CBX2: variants seen among roughly 807,000 people sequenced by gnomAD.
The protein encoded by CBX2 is chromobox 2.
CBX2 carries 11 observed loss-of-function variants against 21.0 expected under a neutral mutation model. That is an observed-to-expected ratio of 0.52 (90% CI 0.33 to 0.87). CBX2 has a LOEUF of 0.87. CBX2 is among the 40% of genes least tolerant of loss of function. The probability of loss-of-function intolerance (pLI) is 0.02; values close to 1 mark genes in which losing one functional copy is unlikely to be tolerated. For synonymous variants in CBX2, 364 were observed against 304.6 expected (o/e 1.19, Z -2.03); for missense variants, 746 against 724.3 (o/e 1.03, Z -0.34).
chr17:79,779,482 G>C, intron 3 of CBX2, 55 bp downstream of exon 3: 1 of 1,528,628 alleles, frequency 6.5e-7, no homozygotes, highest in African/African-American at 1.4e-5. Context: ...TGGCTGGTTG[G>C]AGTCGTGCTG....
chr17:79,779,380 G>C lies in CBX2; in HGVS notation c.135G>C (p.Pro45=). 2.5e-6 allele frequency: 4 copies of C among 1,613,874 alleles called. No individual in the cohort carries two copies. The highest frequency in any genetic ancestry group is 3.4e-6 in the Non-Finnish European group (4 of 1,179,972). Residue 45 remains proline, a synonymous_variant, in exon 3 of 5, where the codon CCG becomes CCC. Transcript: ENST00000310942. ...TTTGCAGACATAACAGCTGGGAGCC[G>C]GAGGAGAACATCCTGGACCCGAGGC... is the stretch of plus-strand genomic sequence containing the variant. ...GWSSKHNSWE[P]EENILDPRLL...
chr17:79,782,427 G>A (rs1408061468), intron 4 of CBX2: 3 of 1,316,498 alleles, frequency 2.3e-6, no homozygotes, highest in South Asian at 1.5e-5. Context: ...CCGTGGTAGG[G>A]CCCCTCCCTC....
rs1555829745 is a variant in CBX2 at position 79,779,416 on chromosome 17, C to T, written c.171C>T (p.Ala57=). Residue 57 remains alanine, a synonymous_variant, in exon 3 of 5, where the codon GCC becomes GCT. Coordinates refer to ENST00000310942, the MANE Select transcript of CBX2 (RefSeq NM_005189.3). ...ENILDPRLLL[A]FQKKEHEKEV... is the part of the protein sequence containing the mutation. ...TCCTGGACCCGAGGCTGCTCCTGGC[C>T]TTCCAGAAGAAGTGAGGACGCTGAC... The T allele has an allele frequency of 6.2e-7, 1 of 1,613,244 alleles. No individual in the cohort carries two copies. The highest frequency in any genetic ancestry group is 8.5e-7 in the Non-Finnish European group (1 of 1,179,822).
At position 79,787,055 on chromosome 17, in the gene CBX2, G is replaced by A. The variant is rs1598230216; in HGVS notation, c.*2013G>A. 1 of 152,642 alleles carries A rather than the reference G, an allele frequency of 6.6e-6. No individual in the cohort carries two copies. Among genetic ancestry groups the A allele is most frequent in the East Asian group, 1.9e-4 (1 of 5,180 alleles). 9.5% of individuals were successfully genotyped at this position (152,642 alleles called of 1,614,324 possible). A position where few individuals can be genotyped will look rare whatever the true frequency, so the allele number is the denominator to read the frequency against. On this transcript the variant is annotated 3_prime_UTR_variant, in exon 5 of 5. Coordinates refer to ENST00000310942, the MANE Select transcript of CBX2 (RefSeq NM_005189.3). ...GCCAGAGCTGGAAGCAGACAGTAAG[G>A]GGAAGAGCTGCTCCCACAGGAGAGG...
rs1907539002 is a variant in CBX2, at chr17:79,785,020, T to G, written c.1577T>G (p.Phe526Cys). ...TVKESPTSVG[F>C]FNLRHY is the part of the protein sequence containing the mutation. ...AAGGAGTCTCCCACCAGCGTGGGCT[T>G]CTTCAACCTGAGGCATTACTGAAGC... The change falls in exon 5 of 5, where the codon TTC becomes TGC. Residue 526 changes from phenylalanine to cysteine, a missense_variant. Phe to Cys is a radical substitution (Grantham distance 205). Transcript: ENST00000310942. 3.7e-6 allele frequency: 6 copies of G among 1,601,240 alleles called. No homozygotes were observed. Among genetic ancestry groups the G allele is most frequent in the Admixed American group, 1.7e-5 (1 of 60,002 alleles).
chr17:79,783,410 CTT>C (rs67444092), intron 4 of CBX2, among the ~76,000 whole-genome samples: 22,175 of 140,376 alleles, frequency 0.16, 2,016 homozygotes, highest in South Asian at 0.3. Context: ...TCTCCTTTAT[CTT>C]TTTTTTTTTT....
In CBX2 at chr17:79,784,810, C is replaced by T. The variant is rs1555831375; in HGVS notation, c.1367C>T (p.Pro456Leu). 3.1e-6 allele frequency: 5 copies of T among 1,611,402 alleles called. No homozygotes were observed. The highest frequency in any genetic ancestry group is 4.2e-6 in the Non-Finnish European group (5 of 1,179,216). The change falls in exon 5 of 5, where the codon CCA (proline) becomes CTA (leucine). Residue 456 changes from proline to leucine, a missense_variant. Coordinates refer to ENST00000310942, the MANE Select transcript of CBX2 (RefSeq NM_005189.3). The surrounding 1 kb of genome is among the most constrained non-coding windows in gnomAD (Gnocchi z 5.9). ...GAAGCCCGCAAGGCGGCCACACTGC[C>T]AGAGATGAGCGCAGGTGAGGAGAGT... Reference protein sequence around the residue: ...PGEARKAATLPEMSAGEESSS... With the variant: ...PGEARKAATLLEMSAGEESSS...
At chr17:79,782,580 C>A in intron 4 of CBX2, 1 of 861,490 alleles carries the variant, frequency 1.2e-6, no homozygotes, top group South Asian at 3.8e-5. Flanking sequence ...CTGAACCTGC[C>A]TTTCCAGGAG....
chr17:79,782,148 A>G, intron 4 of CBX2: 2 of 1,612,760 alleles, frequency 1.2e-6, no homozygotes, highest in Non-Finnish European at 1.7e-6. Context: ...TGCGTACAGT[A>G]GGTGCTCATA....
chr17:79,778,320 C>A lies in CBX2; in HGVS notation c.72+13C>A. ...GCGGCTCCGCAAGGTGCGTGCGGCC[C>A]GCCGGGCCCCCCGCCCGCCGCCCGC... On this transcript the variant is annotated intron_variant, in intron 1 of 4. Coordinates refer to ENST00000310942, the MANE Select transcript of CBX2 (RefSeq NM_005189.3). This position sits in a 1 kb window ranked among gnomAD's most constrained non-coding sequence, Gnocchi z 4.8. The A allele has an allele frequency of 6.4e-7, 1 of 1,563,102 alleles. No homozygotes were observed. Among genetic ancestry groups the A allele is most frequent in the Non-Finnish European group, 8.6e-7 (1 of 1,160,168 alleles).
chr17:79,779,631 G>A lies in CBX2; in HGVS notation c.182+204G>A, dbSNP rs528248433. 4 of 606,596 alleles carry A rather than the reference G, an allele frequency of 6.6e-6. No homozygotes were observed. The East Asian group carries it at 1.1e-4, about 17-fold the overall frequency. The allele number at this position is 606,596 out of a possible 1,614,324, so 37.6% of individuals were successfully genotyped here. A position where few individuals can be genotyped will look rare whatever the true frequency, so the allele number is the denominator to read the frequency against. ...TCTCCCACCTTCTCCTAGCCAGCCT[G>A]TATCCATCCCTGAGAAGAACCTAAG... On this transcript the variant is annotated intron_variant, in intron 3 of 4. Coordinates refer to ENST00000310942, the MANE Select transcript of CBX2 (RefSeq NM_005189.3).
In CBX2 at chr17:79,779,670, G is replaced by C. The variant is rs118059543; in HGVS notation, c.182+243G>C. On this transcript the variant is annotated intron_variant, in intron 3 of 4. Transcript: ENST00000310942. ...GAAGAACCTAAGTAAGTGCTGCTTTGGTGTTTCCGACAGCCATACTTGCAA... is the reference window on the plus strand; with the variant it reads ...GAAGAACCTAAGTAAGTGCTGCTTTCGTGTTTCCGACAGCCATACTTGCAA... 2,004 of 558,968 alleles carry C rather than the reference G, an allele frequency of 3.6e-3. 40 individuals carry two copies. In the East Asian group the frequency reaches 0.04, roughly 11 times the overall value. 34.6% of individuals were successfully genotyped at this position (558,968 alleles called of 1,614,324 possible). A position where few individuals can be genotyped will look rare whatever the true frequency, so the allele number is the denominator to read the frequency against.
In CBX2 at chr17:79,781,999, T is replaced by G. The variant is rs782543971; in HGVS notation, c.288+198T>G. 4 of 1,613,818 alleles carry G rather than the reference T, an allele frequency of 2.5e-6. No individual in the cohort carries two copies. The East Asian group carries it at 6.7e-5, about 27-fold the overall frequency. On this transcript the variant is annotated intron_variant, in intron 4 of 4. Transcript: ENST00000310942. ...GCCAGGGGCCCCAGCCGGCTGAGAG[T>G]TCCTCCCCGCCCCTCCCAGGGGCTT...
rs782248709 is a variant in CBX2 at position 79,781,961 on chromosome 17, C to G, written c.288+160C>G. ...ACAGGAGCCCCCTTTCTTCCTGTCT[C>G]TCAGCTTCTGCTGCCAGGGGCCCCA... On this transcript the variant is annotated intron_variant, in intron 4 of 4. Transcript: ENST00000310942. 5.6e-6 allele frequency: 9 copies of G among 1,614,104 alleles called. No homozygotes were observed. The African/African-American group carries it at 6.7e-5, about 12-fold the overall frequency.
chr17:79,779,304 T>C, intron 2 of CBX2, 58 bp from the exon 3 acceptor site: 1 of 1,570,116 alleles, frequency 6.4e-7, no homozygotes, highest in South Asian at 1.1e-5. Context: ...TCGGGCTGCC[T>C]TGCAAAGCGG....
rs1167150192 is a variant in CBX2 at position 79,786,467 on chromosome 17, T to C, written c.*1425T>C. ...TCAGCCTCGGCCCTGAGGCCCCTGT[T>C]AACTCAAGACTGTGAGCTGCCTCTA... On this transcript the variant is annotated 3_prime_UTR_variant, in exon 5 of 5. Coordinates refer to ENST00000310942, the MANE Select transcript of CBX2 (RefSeq NM_005189.3). 6.5e-6 allele frequency: 1 copy of C among 152,716 alleles called. No homozygotes were observed. The highest frequency in any genetic ancestry group is 1.9e-4 in the East Asian group (1 of 5,182). 9.5% of individuals were successfully genotyped at this position (152,716 alleles called of 1,614,324 possible). A position where few individuals can be genotyped will look rare whatever the true frequency, so the allele number is the denominator to read the frequency against.
At chr17:79,779,275 G>T (rs1906982012) in intron 2 of CBX2, 87 bp from the exon 3 acceptor site, 1 of 1,281,172 alleles carries the variant, frequency 7.8e-7, no homozygotes, top group African/African-American at 1.5e-5. Context: ...AAGTCGAGGA[G>T]CGGTGAGGGC....
Position 79,784,272 on chromosome 17 carries a change from A to C in CBX2, c.829A>C (p.Lys277Gln). ...QAQAASRLAL[K>Q]AQATNKCGLG... is the part of the protein sequence containing the mutation. ...CCAGGCTGCCAGCAGGTTGGCGCTG[A>C]AGGCCCAGGCCACCAACAAGTGCGG... is the stretch of plus-strand genomic sequence containing the variant. Residue 277 changes from lysine (K) to glutamine (Q), a missense_variant, in exon 5 of 5, where the codon AAG becomes CAG. By Grantham distance (53) the Lys-to-Gln change is moderately conservative. Transcript: ENST00000310942. This position sits in a 1 kb window ranked among gnomAD's most constrained non-coding sequence, Gnocchi z 5.9. The C allele has an allele frequency of 6.2e-7, 1 of 1,612,974 alleles. No individual in the cohort carries two copies. The highest frequency in any genetic ancestry group is 8.5e-7 in the Non-Finnish European group (1 of 1,179,850).
rs782223807 is a variant in CBX2 at position 79,781,725 on chromosome 17, A to AGAGAGGCAAGAGGCC, written c.220_234dup (p.Lys74_Gly78dup). ...CATGAGAAGGAGGTGCAGAACCGGAAGAGAGGCAAGAGGCCGAGAGGCCGG... is the reference window on the plus strand; with the variant it reads ...CATGAGAAGGAGGTGCAGAACCGGAAGAGAGGCAAGAGGCCGAGAGGCAAGAGGCCGAGAGGCCGG... On this transcript the variant is annotated inframe_insertion, in exon 4 of 5. Coordinates refer to ENST00000310942, the MANE Select transcript of CBX2 (RefSeq NM_005189.3). 1.2e-6 allele frequency: 2 copies of AGAGAGGCAAGAGGCC among 1,613,942 alleles called. No homozygotes were observed. The highest frequency in any genetic ancestry group is 8.5e-7 in the Non-Finnish European group (1 of 1,180,022).
Sources: allele counts gnomAD v4.1 joint callset (sites outside exome capture counted in the v4.1 genomes callset), GRCh38; gene constraint gnomAD v4.1.1; non-coding constraint Gnocchi (gnomAD v3.1); transcripts MANE v1.5; gene names NCBI Gene and HGNC (gene_info 2026-07-23, HGNC 2026-07-21).